MAGI1: variants seen among roughly 807,000 people sequenced by gnomAD.
The protein encoded by MAGI1 is membrane associated guanylate kinase, WW and PDZ domain containing 1.
MAGI1 carries 58 observed loss-of-function variants against 139.9 expected under a neutral mutation model. The ratio of observed to expected loss-of-function variants is 0.41; its 90% CI spans 0.34 to 0.52. The LOEUF is 0.52. Ranked by LOEUF, MAGI1 falls within the 20% of genes least tolerant of loss-of-function variation. The pLI is 0.12. For synonymous variants in MAGI1, 812 were observed against 737.9 expected, an observed-to-expected ratio of 1.10 and a Z score of -1.63; for missense variants, 1,874 against 1,901.6, an observed-to-expected ratio of 0.99 and a Z score of 0.27.
At chr3:65,538,305 C>T (rs1461039579) in intron 2 of MAGI1, among the ~76,000 whole-genome samples, 5 of 152,120 alleles carry the variant, frequency 3.3e-5, no homozygotes, top group Non-Finnish European at 7.4e-5. Flanking sequence ...ATATAAACAA[C>T]AAAATACCAC....
At chr3:65,944,995 G>A (rs182357388) in intron 1 of MAGI1, among the ~76,000 whole-genome samples, 2 of 152,218 alleles carry the variant, frequency 1.3e-5, no homozygotes, top group East Asian at 1.9e-4. Flanking sequence ...AATAGAGGAC[G>A]GGAACCAAAT....
intron 1 of MAGI1, among the ~76,000 whole-genome samples, chr3:65,890,606 C>T (rs1025200043): frequency 6.6e-5 from 10 of 152,208 alleles, no homozygotes; most frequent in Admixed American, 1.3e-4. Flanking sequence ...CCACATCCAA[C>T]GCAAACACTT....
intron 1 of MAGI1, among the ~76,000 whole-genome samples, chr3:65,644,258 A>G (rs1376906712): frequency 6.6e-6 from 1 of 152,162 alleles, no homozygotes; most frequent in Non-Finnish European, 1.5e-5. Context: ...ATCACTCATC[A>G]TATGAAGAAT....
At chr3:65,384,712 G>A (rs1309544932) in intron 14 of MAGI1, among the ~76,000 whole-genome samples, 1 of 152,088 alleles carries the variant, frequency 6.6e-6, no homozygotes, top group Non-Finnish European at 1.5e-5. Context: ...CAGCCTGGGT[G>A]ACAGAGTAAG....
intron 2 of MAGI1, among the ~76,000 whole-genome samples, chr3:65,553,817 T>C (rs867692535): frequency 2.0e-5 from 3 of 152,242 alleles, no homozygotes; most frequent in African/African-American, 4.8e-5. Flanking sequence ...GGTATCCCCA[T>C]GATCCATACT....
At chr3:65,727,232 G>A (rs1208692916) in intron 1 of MAGI1, among the ~76,000 whole-genome samples, 1 of 152,158 alleles carries the variant, frequency 6.6e-6, no homozygotes, top group Non-Finnish European at 1.5e-5. Flanking sequence ...CAACTTATCT[G>A]ACAGCACACT....
intron 1 of MAGI1, chr3:65,720,130 A>G (rs2032825543): frequency 1.3e-5 from 2 of 152,158 alleles, no homozygotes; most frequent in Admixed American, 6.5e-5. Context: ...TATTCCCAGT[A>G]TCTACAGTAG....
intron 1 of MAGI1, among the ~76,000 whole-genome samples, chr3:65,717,164 C>A (rs550224644): frequency 2.0e-5 from 3 of 152,112 alleles, no homozygotes; most frequent in African/African-American, 7.2e-5. Context: ...GAAGCAGGCT[C>A]ATCTAAAAGA....
chr3:65,714,652 C>A (rs1328655804), intron 1 of MAGI1, among the ~76,000 whole-genome samples: 2 of 152,004 alleles, frequency 1.3e-5, no homozygotes, highest in African/African-American at 4.8e-5. Flanking sequence ...TTAAAAAAAA[C>A]CGAAGCCTGA....
intron 18 of MAGI1, among the ~76,000 whole-genome samples, chr3:65,368,644 T>C (rs1407239311): frequency 6.6e-6 from 1 of 152,222 alleles, no homozygotes; most frequent in Non-Finnish European, 1.5e-5. Flanking sequence ...TTTTACTGGA[T>C]AAACACGTAT....
At chr3:65,507,382 G>C (rs1010764574) in intron 2 of MAGI1, among the ~76,000 whole-genome samples, 7 of 152,172 alleles carry the variant, frequency 4.6e-5, no homozygotes, top group African/African-American at 1.7e-4. Flanking sequence ...ATGAGCAAAG[G>C]CTGAGAAACA....
intron 1 of MAGI1, among the ~76,000 whole-genome samples, chr3:66,011,419 C>T (rs1176873414): frequency 6.6e-6 from 1 of 152,134 alleles, no homozygotes; most frequent in Admixed American, 6.5e-5. Context: ...GCTTATTAAG[C>T]CAATTACACA....
chr3:65,795,696 T>TACATACACAC (rs1553708465), intron 1 of MAGI1, among the ~76,000 whole-genome samples: 4 of 138,930 alleles, frequency 2.9e-5, no homozygotes, highest in African/African-American at 1.1e-4. Context: ...GATGATAAGA[T>TACATACACAC]ACACACACAC....
chr3:65,779,571 C>T (rs932112716), intron 1 of MAGI1, among the ~76,000 whole-genome samples: 1 of 152,202 alleles, frequency 6.6e-6, no homozygotes, highest in African/African-American at 2.4e-5. Context: ...CCAAGAATTG[C>T]ACAATCGCTT....
rs1255541285 is a variant in MAGI1, at chr3:66,038,035, T to A, written c.274A>T (p.Ser92Cys). The change falls in exon 1 of 23, where the codon AGC (serine) becomes TGC (cysteine). Residue 92 changes from serine (S) to cysteine (C), a missense_variant. By Grantham distance (112) the Ser-to-Cys change is moderately radical. Coordinates refer to ENST00000402939, the MANE Select transcript of MAGI1 (RefSeq NM_001033057.2). ...PRYDVLGVID[S>C]CKEAVTFKAV... ...TTGAAGGTGACGGCCTCCTTGCAGC[T>A]GTCGATGACCCCCAGCACGTCATAG... 1.2e-6 allele frequency: 2 copies of A among 1,605,990 alleles called. No individual in the cohort carries two copies. The highest frequency in any genetic ancestry group is 2.2e-5 in the East Asian group (1 of 44,718).
intron 1 of MAGI1, among the ~76,000 whole-genome samples, chr3:65,869,440 AC>A (rs2059855597): frequency 6.7e-6 from 1 of 148,430 alleles, no homozygotes; most frequent in Admixed American, 6.8e-5. Context: ...TTGCTCTCTC[AC>A]CCAGGTTGGA....
intron 1 of MAGI1, among the ~76,000 whole-genome samples, chr3:65,812,488 A>ACACACACACACACACACACACACC (rs1161352744): frequency 6.6e-6 from 1 of 150,398 alleles, no homozygotes; most frequent in Non-Finnish European, 1.5e-5. Flanking sequence ...ACACACACAC[A>ACACACACACACACACACACACACC]CACTTCTCTA....
At chr3:65,704,415 C>T (rs2089819943) in intron 1 of MAGI1, among the ~76,000 whole-genome samples, 2 of 152,164 alleles carry the variant, frequency 1.3e-5, no homozygotes, top group Non-Finnish European at 2.9e-5. Flanking sequence ...AAGCTCAAAT[C>T]AGGCTGGCTG....
intron 1 of MAGI1, among the ~76,000 whole-genome samples, chr3:65,689,627 TTACAGTTACATCGTCTGGAA>T (rs2088393269): frequency 6.6e-6 from 1 of 152,180 alleles, no homozygotes; most frequent in Non-Finnish European, 1.5e-5. Flanking sequence ...CCTGGGCTGG[TTACAGTTACATCGTCTGGAA>T]TATTCAAAGT....
Sources: gnomAD v4.1 joint callset for allele counts (sites outside exome capture counted in the v4.1 genomes callset) on GRCh38, gnomAD v4.1.1 for gene constraint, MANE v1.5 for transcripts, NCBI Gene and HGNC (gene_info 2026-07-23, HGNC 2026-07-21) for gene names.